CTNNA2: variants seen among roughly 807,000 people sequenced by gnomAD.
The protein encoded by CTNNA2 is catenin alpha-2.
CTNNA2 carries 42 observed loss-of-function variants against 101.0 expected under a neutral mutation model. The observed-to-expected ratio is 0.42, with a 90% confidence interval of 0.32 to 0.54. The LOEUF is 0.54. Ranked by LOEUF, CTNNA2 falls within the 20% of genes least tolerant of loss-of-function variation. The pLI is 0.14. For missense variants in CTNNA2, 871 were observed against 1,223.1 expected (o/e 0.71, Z 4.29); for synonymous variants, 450 against 456.4 (o/e 0.99, Z 0.18).
chr2:80,393,778 A>G (rs531593304), intron 8 of CTNNA2, among the ~76,000 whole-genome samples: 2 of 152,156 alleles, frequency 1.3e-5, no homozygotes, highest in South Asian at 4.1e-4. Flanking sequence ...TGCTTATCAG[A>G]TGGTTGTTTG....
intron 18 of CTNNA2, among the ~76,000 whole-genome samples, chr2:80,642,902 A>C (rs192514999): frequency 6.6e-6 from 1 of 152,164 alleles, no homozygotes; most frequent in African/African-American, 2.4e-5. Flanking sequence ...AGGAGAGTAT[A>C]GGGAACAGAA....
intron 7 of CTNNA2, among the ~76,000 whole-genome samples, chr2:80,295,345 T>G (rs1425764951): frequency 6.6e-6 from 1 of 152,074 alleles, no homozygotes; most frequent in African/African-American, 2.4e-5. Context: ...CTGCACATTC[T>G]AAAAACCCAA....
chr2:80,042,367 A>G (rs1055229889), intron 7 of CTNNA2, among the ~76,000 whole-genome samples: 3 of 152,210 alleles, frequency 2.0e-5, no homozygotes, highest in African/African-American at 7.2e-5. Context: ...CAAGGCTTAA[A>G]CTAGCTAAAT....
intron 7 of CTNNA2, among the ~76,000 whole-genome samples, chr2:80,361,772 TC>T (rs1422466094): frequency 6.6e-6 from 1 of 151,806 alleles, no homozygotes; most frequent in East Asian, 1.9e-4. Context: ...ATCTCCTCCT[TC>T]CCCCCAAAAC....
chr2:80,550,604 C>T (rs777685070), intron 11 of CTNNA2, among the ~76,000 whole-genome samples: 19 of 152,190 alleles, frequency 1.2e-4, no homozygotes, highest in Non-Finnish European at 2.6e-4. Context: ...CAACAATGTT[C>T]ACACTATCAT....
chr2:80,165,586 A>T lies in CTNNA2; in HGVS notation c.1057-227625A>T, dbSNP rs192127403. 3.8e-4 allele frequency among the ~76,000 whole-genome samples: 58 copies of T among 152,244 alleles called. No homozygotes were observed. The East Asian group carries it at 0.011, about 28-fold the overall frequency. On this transcript the variant is annotated intron_variant, in intron 7 of 18. Coordinates refer to ENST00000402739, the MANE Select transcript of CTNNA2 (RefSeq NM_001282597.3). ...GTCTAGAAGTCTCTGTTGACATGTA[A>T]GTGGGGAAAACTCCCATTGCTGCTG...
At chr2:80,018,495 G>A (rs1694308622) in intron 7 of CTNNA2, among the ~76,000 whole-genome samples, 1 of 152,140 alleles carries the variant, frequency 6.6e-6, no homozygotes, top group Admixed American at 6.5e-5. Context: ...TCAGGACCTT[G>A]GCCGGGCACC....
chr2:79,811,993 T>A (rs899075325), intron 3 of CTNNA2, among the ~76,000 whole-genome samples: 2 of 152,196 alleles, frequency 1.3e-5, no homozygotes, highest in African/African-American at 4.8e-5. Flanking sequence ...ATGATACTTT[T>A]AAAAAATTTC....
rs533028794 is a variant in CTNNA2, at chr2:79,929,597, T to C, written c.1056+19800T>C. Among the ~76,000 whole-genome samples, 21 of 152,306 alleles carry C rather than the reference T, an allele frequency of 1.4e-4. No individual in the cohort carries two copies. The East Asian group carries it at 4.1e-3, about 29-fold the overall frequency. On this transcript the variant is annotated intron_variant, in intron 7 of 18. Transcript: ENST00000402739. Reference sequence around the variant, plus strand: ...TAAAACATGAGGCTGAACTTTAAGGTTTCTCCTTTCCCTGACATTATCACT... The same window carrying C: ...TAAAACATGAGGCTGAACTTTAAGGCTTCTCCTTTCCCTGACATTATCACT...
At chr2:79,257,737 C>T (rs1001460475) in intron 2 of CTNNA2, among the ~76,000 whole-genome samples, 6 of 151,808 alleles carry the variant, frequency 4.0e-5, no homozygotes, top group African/African-American at 7.2e-5. Context: ...GAACTGTCAC[C>T]GGGAGGCTCT....
intron 1 of CTNNA2, among the ~76,000 whole-genome samples, chr2:79,616,367 G>T (rs1257023089): frequency 6.6e-6 from 1 of 152,120 alleles, no homozygotes; most frequent in Non-Finnish European, 1.5e-5. Flanking sequence ...AATCTATAGA[G>T]ACTTTAGGAA....
intron 4 of CTNNA2, among the ~76,000 whole-genome samples, chr2:79,863,176 G>A (rs1681760523): frequency 1.3e-5 from 2 of 152,018 alleles, no homozygotes; most frequent in African/African-American, 4.8e-5. Context: ...AATCTTATTA[G>A]GCACAATTGG....
chr2:79,990,019 C>T (rs1331433899), intron 7 of CTNNA2, among the ~76,000 whole-genome samples: 1 of 152,114 alleles, frequency 6.6e-6, no homozygotes, highest in Non-Finnish European at 1.5e-5. Flanking sequence ...TGAGGATAGA[C>T]CCTAAGAATA....
At chr2:79,899,132 T>C (rs1171655780) in intron 6 of CTNNA2, among the ~76,000 whole-genome samples, 1 of 152,026 alleles carries the variant, frequency 6.6e-6, no homozygotes, top group East Asian at 1.9e-4. Flanking sequence ...AAAACGATGG[T>C]CAAGAATGTA....
chr2:80,170,389 A>G lies in CTNNA2; in HGVS notation c.1057-222822A>G, dbSNP rs547067574. On this transcript the variant is annotated intron_variant, in intron 7 of 18. Coordinates refer to ENST00000402739, the MANE Select transcript of CTNNA2 (RefSeq NM_001282597.3). ...GACAGTTTATCTTCTTCTTCACCCA[A>G]CCGTCACCTGATCTAGGTTTTCTAC... Among the ~76,000 whole-genome samples the G allele has an allele frequency of 1.9e-4, 29 of 152,202 alleles. 1 individual carries two copies. The highest frequency in any genetic ancestry group is 4.6e-4 in the Admixed American group (7 of 15,292).
At chr2:80,325,310 G>T (rs1679142719) in intron 7 of CTNNA2, among the ~76,000 whole-genome samples, 1 of 152,172 alleles carries the variant, frequency 6.6e-6, no homozygotes, top group Non-Finnish European at 1.5e-5. Flanking sequence ...TGGAAAGAAG[G>T]ATGATGAGTT....
At chr2:80,240,692 T>C (rs1178160854) in intron 7 of CTNNA2, among the ~76,000 whole-genome samples, 3 of 152,116 alleles carry the variant, frequency 2.0e-5, no homozygotes, top group Non-Finnish European at 1.5e-5. Context: ...AATACCATAG[T>C]GTAATTTATA....
chr2:79,410,662 G>A (rs1210967270), intron 4 of CTNNA2, among the ~76,000 whole-genome samples: 4 of 151,222 alleles, frequency 2.6e-5, no homozygotes, highest in Non-Finnish European at 5.9e-5. Flanking sequence ...ACTTGATCAT[G>A]GTGGATAAGC....
chr2:79,700,007 G>T (rs1478536521), intron 2 of CTNNA2, among the ~76,000 whole-genome samples: 1 of 150,814 alleles, frequency 6.6e-6, no homozygotes, highest in Non-Finnish European at 1.5e-5. Flanking sequence ...GTGAGGAAGG[G>T]CAAGATGCTG....
Sources: gnomAD v4.1 joint callset for allele counts (sites outside exome capture counted in the v4.1 genomes callset) on GRCh38, gnomAD v4.1.1 for gene constraint, MANE v1.5 for transcripts, NCBI Gene and HGNC (gene_info 2026-07-23, HGNC 2026-07-21) for gene names.